RASSF2: variants seen among roughly 807,000 people sequenced by gnomAD.
RASSF2 encodes the protein Ras association domain family member 2.
Under a neutral mutation model 46.3 loss-of-function variants are expected in RASSF2, and 34 were observed. The ratio of observed to expected loss-of-function variants is 0.73; its 90% confidence interval spans 0.56 to 0.98. The LOEUF (loss-of-function observed/expected upper bound fraction) is 0.98, where lower values mean the gene tolerates loss of function less well. Ranked by LOEUF, RASSF2 falls within the 50% of genes least tolerant of loss-of-function variation. The pLI is 0.00. For synonymous variants in RASSF2, 158 were observed against 162.5 expected (o/e 0.97, Z 0.21); for missense variants, 364 against 431.2 (o/e 0.84, Z 1.38).
Position 4,786,251 on chromosome 20 carries a change from T to C in RASSF2, c.891A>G (p.Glu297=), listed in dbSNP as rs751638096. The change falls in exon 11 of 12, where the codon GAA becomes GAG. Residue 297 remains glutamate, a synonymous_variant. Transcript: ENST00000379400. ...CTTACTTGCGCATCAGCTTCTTTAC[T>C]TCCCGATCTTCTTCCTCCTGGAGCT... ...IQKLQEEEDR[E]VKKLMRKYTV... is the part of the protein sequence containing the mutation. 2.5e-5 allele frequency: 41 copies of C among 1,612,584 alleles called. No homozygotes were observed. Among genetic ancestry groups the C allele is most frequent in the Non-Finnish European group, 3.3e-5 (39 of 1,178,688 alleles).
At chr20:4,803,767 A>G (rs1927097192) in intron 2 of RASSF2, among the ~76,000 whole-genome samples, 1 of 148,758 alleles carries the variant, frequency 6.7e-6, no homozygotes, top group African/African-American at 2.5e-5. Flanking sequence ...TTAAAAAAAT[A>G]ATAAAATAAG....
rs1031588293 is a variant in RASSF2 at position 4,795,691 on chromosome 20, A to T, written c.287+124T>A. The T allele has an allele frequency of 1.7e-6, 2 of 1,195,720 alleles. No individual in the cohort carries two copies. The allele number at this position is 1,195,720 out of a possible 1,614,324, so 74.1% of individuals were successfully genotyped here. A position where few individuals can be genotyped will look rare whatever the true frequency, so the allele number is the denominator to read the frequency against. ...TCCAAGGCTAAGGCAGGTGGGCAGT[A>T]GAGGTAGTAGGAGGAGGAGCCAGGG... On this transcript the variant is annotated intron_variant, in intron 5 of 11. Coordinates refer to ENST00000379400, the MANE Select transcript of RASSF2 (RefSeq NM_014737.3). This position sits in a 1 kb window ranked among gnomAD's most constrained non-coding sequence, Gnocchi z 4.0.
At chr20:4,816,018 T>C (rs556059579) in intron 2 of RASSF2, among the ~76,000 whole-genome samples, 2 of 152,222 alleles carry the variant, frequency 1.3e-5, no homozygotes, top group Non-Finnish European at 2.9e-5. Context: ...TTTTTAAATA[T>C]AGGTCAGGTT....
chr20:4,801,638 T>C (rs575095774), intron 2 of RASSF2, among the ~76,000 whole-genome samples: 1 of 152,314 alleles, frequency 6.6e-6, no homozygotes, highest in East Asian at 1.9e-4. Context: ...AATATGCATA[T>C]ACATACACAC....
rs531215734 is a variant in RASSF2, at chr20:4,814,532, C to T, written c.-33+7797G>A. The stretch of plus-strand genomic sequence containing the variant: ...CCACCTGGGGACAGGACTGAAAACC[C>T]AAAAGCTAGGATCGCTGGCCTCCTC... On this transcript the variant is annotated intron_variant, in intron 2 of 11. Transcript: ENST00000379400. Among the ~76,000 whole-genome samples the T allele has an allele frequency of 1.4e-3, 213 of 152,234 alleles. 1 individual carries two copies. The highest frequency in any genetic ancestry group is 0.01 in the Middle Eastern group (3 of 294).
rs537178696 is a variant in RASSF2, at chr20:4,807,059, C to T, written c.-32-5997G>A. Among the ~76,000 whole-genome samples the T allele has an allele frequency of 1.6e-4, 25 of 152,102 alleles. No individual in the cohort carries two copies. The South Asian group carries it at 5.2e-3, about 32-fold the overall frequency. On this transcript the variant is annotated intron_variant, in intron 2 of 11. Coordinates refer to ENST00000379400, the MANE Select transcript of RASSF2 (RefSeq NM_014737.3). ...GTTCTACAGAAAAAAATAGCCAGAG[C>T]AATGAAACAATAAACATACAGAAAT...
Position 4,780,473 on chromosome 20 carries a change from T to C in RASSF2, c.*3800A>G, listed in dbSNP as rs1461643789. On this transcript the variant is annotated 3_prime_UTR_variant, in exon 12 of 12. Coordinates refer to ENST00000379400, the MANE Select transcript of RASSF2 (RefSeq NM_014737.3). Reference sequence around the variant, plus strand: ...CTGGAAGAAGGGGGCGCCACATTCATTCTTATTTTTACATCTCTAGGAAAT... The same window carrying C: ...CTGGAAGAAGGGGGCGCCACATTCACTCTTATTTTTACATCTCTAGGAAAT... 1.3e-5 allele frequency: 2 copies of C among 152,218 alleles called. No individual in the cohort carries two copies. The highest frequency in any genetic ancestry group is 2.4e-5 in the African/African-American group (1 of 41,440). The allele number at this position is 152,218 out of a possible 1,614,324, so 9.4% of individuals were successfully genotyped here.
intron 10 of RASSF2, among the ~76,000 whole-genome samples, chr20:4,786,847 G>A (rs1021807672): frequency 3.4e-4 from 51 of 152,200 alleles, no homozygotes; most frequent in Non-Finnish European, 7.1e-4. Flanking sequence ...ACTTTGGGAG[G>A]CTGAGGCGGG....
intron 6 of RASSF2, among the ~76,000 whole-genome samples, chr20:4,792,325 G>A (rs1925959224): frequency 6.7e-6 from 1 of 150,030 alleles, no homozygotes; most frequent in South Asian, 2.1e-4. Context: ...ACATGTCAGT[G>A]TGTTTTGCTT....
rs1924844362 is a variant in RASSF2 at position 4,781,737 on chromosome 20, T to C, written c.*2536A>G. 1 of 152,142 alleles carries C rather than the reference T, an allele frequency of 6.6e-6. No homozygotes were observed. The highest frequency in any genetic ancestry group is 2.4e-5 in the African/African-American group (1 of 41,424). The allele number at this position is 152,142 out of a possible 1,614,324, so 9.4% of individuals were successfully genotyped here. A position where few individuals can be genotyped will look rare whatever the true frequency, so the allele number is the denominator to read the frequency against. On this transcript the variant is annotated 3_prime_UTR_variant, in exon 12 of 12. Coordinates refer to ENST00000379400, the MANE Select transcript of RASSF2 (RefSeq NM_014737.3). Reference sequence around the variant, plus strand: ...ATGCAGCTAAACTGCTTTTCACAAGTTGGAAAAAAAACCCAACCCTATAAA... The same window carrying C: ...ATGCAGCTAAACTGCTTTTCACAAGCTGGAAAAAAAACCCAACCCTATAAA...
chr20:4,801,284 G>A (rs1601111177), intron 2 of RASSF2, among the ~76,000 whole-genome samples: 3 of 152,258 alleles, frequency 2.0e-5, no homozygotes, highest in South Asian at 2.1e-4. Flanking sequence ...AAGGAAAGAC[G>A]ACAACCCTTG....
intron 9 of RASSF2, among the ~76,000 whole-genome samples, chr20:4,787,973 T>C (rs1474312593): frequency 6.6e-6 from 1 of 152,126 alleles, no homozygotes; most frequent in East Asian, 1.9e-4. Flanking sequence ...AGGAATTGGG[T>C]TTATCTGTCT....
At chr20:4,803,403 T>C (rs1427419138) in intron 2 of RASSF2, among the ~76,000 whole-genome samples, 1 of 152,108 alleles carries the variant, frequency 6.6e-6, no homozygotes, top group Non-Finnish European at 1.5e-5. Flanking sequence ...GTTGATACCT[T>C]GATGTTAGCT....
At chr20:4,792,962 G>C in intron 5 of RASSF2, 1 of 299,974 alleles carries the variant, frequency 3.3e-6, no homozygotes, top group Non-Finnish European at 6.3e-6. Flanking sequence ...TGCCTGCACT[G>C]CTTCTAAGCA....
At chr20:4,801,429 T>C (rs1305505925) in intron 2 of RASSF2, among the ~76,000 whole-genome samples, 1 of 152,200 alleles carries the variant, frequency 6.6e-6, no homozygotes, top group African/African-American at 2.4e-5. Context: ...GACAGCCCGA[T>C]TCTACTGAGG....
At chr20:4,804,864 G>A (rs1473871438) in intron 2 of RASSF2, among the ~76,000 whole-genome samples, 1 of 152,134 alleles carries the variant, frequency 6.6e-6, no homozygotes, top group Non-Finnish European at 1.5e-5. Flanking sequence ...TGTCAAGGGA[G>A]GGTGAGTGCT....
At chr20:4,799,585 G>A (rs1232593987) in intron 3 of RASSF2, among the ~76,000 whole-genome samples, 3 of 152,232 alleles carry the variant, frequency 2.0e-5, no homozygotes. Context: ...TTCTATGCAA[G>A]CTGAAATAAA....
In RASSF2 at chr20:4,781,199, T is replaced by C. The variant is rs777183842; in HGVS notation, c.*3074A>G. On this transcript the variant is annotated 3_prime_UTR_variant, in exon 12 of 12. Coordinates refer to ENST00000379400, the MANE Select transcript of RASSF2 (RefSeq NM_014737.3). ...ACCACTCAACTCCACAGACTTCTTG[T>C]TGAGACTTTTTTGCATGGAAAACAG... The C allele has an allele frequency of 6.7e-6, 1 of 148,438 alleles. No homozygotes were observed. The highest frequency in any genetic ancestry group is 1.5e-5 in the Non-Finnish European group (1 of 67,316). The allele number at this position is 148,438 out of a possible 1,614,324, so 9.2% of individuals were successfully genotyped here. A position where few individuals can be genotyped will look rare whatever the true frequency, so the allele number is the denominator to read the frequency against.
intron 2 of RASSF2, among the ~76,000 whole-genome samples, chr20:4,818,540 C>T (rs528693560): frequency 1.3e-5 from 2 of 152,306 alleles, no homozygotes; most frequent in African/African-American, 4.8e-5. Context: ...ACTGAGTGTT[C>T]ACTGATACCA....
Sources: allele counts gnomAD v4.1 joint callset (sites outside exome capture counted in the v4.1 genomes callset), GRCh38; gene constraint gnomAD v4.1.1; non-coding constraint Gnocchi (gnomAD v3.1); transcripts MANE v1.5; gene names NCBI Gene and HGNC (gene_info 2026-07-23, HGNC 2026-07-21).